SLC8A1: variants seen among roughly 807,000 people sequenced by gnomAD.
SLC8A1 encodes the protein solute carrier family 8 member A1, also known as sodium/calcium exchanger 1.
In SLC8A1, 18 loss-of-function variants were observed where a neutral mutation model predicts 68.3. The ratio of observed to expected loss-of-function variants is 0.26; its 90% CI spans 0.18 to 0.39. The LOEUF (loss-of-function observed/expected upper bound fraction) is 0.39. Among genes scored for constraint, SLC8A1 ranks in the 10% least tolerant of loss-of-function variants. The pLI, the probability that SLC8A1 is intolerant of heterozygous loss-of-function variation, is 1.00. For synonymous variants in SLC8A1, 475 were observed against 415.5 expected (o/e 1.14, Z -1.74); for missense variants, 985 against 1,156.7 (o/e 0.85, Z 2.15).
intron 2 of SLC8A1, among the ~76,000 whole-genome samples, chr2:40,256,717 G>A (rs1212519932): frequency 6.6e-6 from 1 of 152,172 alleles, no homozygotes; most frequent in Non-Finnish European, 1.5e-5. Flanking sequence ...AGAGAAGGCT[G>A]TAGGCCTATC....
chr2:40,318,528 A>T (rs2074775216), intron 2 of SLC8A1, among the ~76,000 whole-genome samples: 1 of 152,044 alleles, frequency 6.6e-6, no homozygotes, highest in African/African-American at 2.4e-5. Context: ...TTCCAAAGCC[A>T]TGTGACCAGT....
chr2:40,480,921 C>T (rs555575485), intron 1 of SLC8A1, among the ~76,000 whole-genome samples: 1 of 152,150 alleles, frequency 6.6e-6, no homozygotes, highest in Non-Finnish European at 1.5e-5. Flanking sequence ...AGCCAAAAAT[C>T]GCACTGCTGT....
At chr2:40,351,226 G>A (rs10168748) in intron 2 of SLC8A1, among the ~76,000 whole-genome samples, 75,442 of 151,846 alleles carry the variant, frequency 0.5, 19,405 homozygotes, top group East Asian at 0.69. Flanking sequence ...TTATTTCTGT[G>A]CAGAGTAGAC....
intron 2 of SLC8A1, among the ~76,000 whole-genome samples, chr2:40,201,356 A>G (rs1257517419): frequency 2.0e-5 from 3 of 151,940 alleles, no homozygotes; most frequent in Non-Finnish European, 2.9e-5. Context: ...AAACCAAAAC[A>G]AAATTCAATT....
intron 1 of SLC8A1, among the ~76,000 whole-genome samples, chr2:40,480,228 G>A (rs189066428): frequency 1.3e-5 from 2 of 152,194 alleles, no homozygotes; most frequent in Admixed American, 1.3e-4. Context: ...ACTACTTATT[G>A]CATCAAAGAT....
At chr2:40,493,078 A>G (rs1029179551) in intron 1 of SLC8A1, among the ~76,000 whole-genome samples, 2 of 152,206 alleles carry the variant, frequency 1.3e-5, no homozygotes, top group African/African-American at 4.8e-5. Context: ...CACAATAGCA[A>G]AGACTTGGAA....
intron 1 of SLC8A1, among the ~76,000 whole-genome samples, chr2:40,461,527 C>A (rs1311910170): frequency 6.6e-6 from 1 of 152,094 alleles, no homozygotes; most frequent in Non-Finnish European, 1.5e-5. Flanking sequence ...AACCCTTGCC[C>A]ACTCCGCGCC....
exon 8 of SLC8A1, chr2:40,112,401 A>T (rs1000244547): frequency 2.6e-5 from 4 of 152,242 alleles, no homozygotes; most frequent in Admixed American, 1.3e-4. Context: ...CTATAATAAT[A>T]ACAATCCTGA....
intron 1 of SLC8A1, among the ~76,000 whole-genome samples, chr2:40,484,317 T>TATCCAATGCCAG (rs1284860028): frequency 2.0e-5 from 3 of 152,176 alleles, no homozygotes; most frequent in African/African-American, 7.2e-5. Flanking sequence ...GGACTGGCAT[T>TATCCAATGCCAG]ATCCAATGCC....
At chr2:40,284,392 T>C (rs1310771921) in intron 2 of SLC8A1, among the ~76,000 whole-genome samples, 1 of 147,258 alleles carries the variant, frequency 6.8e-6, no homozygotes, top group Non-Finnish European at 1.5e-5. Flanking sequence ...ATATGATATA[T>C]ACATACACAT....
chr2:40,160,696 A>G, intron 6 of SLC8A1, 69 bp downstream of exon 9: 1 of 1,363,750 alleles, frequency 7.3e-7, no homozygotes, highest in African/African-American at 1.4e-5. Context: ...TAGACCAAGT[A>G]GCCACAGTAG....
Position 40,224,844 on chromosome 2 carries a change from G to GA in SLC8A1, c.1809-46990dup, listed in dbSNP as rs554842256. ...CAAACAACTTAAACAAATTTACAAG[G>GA]AAAAAACAACCCCATCAAAAAGTGA... is the stretch of plus-strand genomic sequence containing the variant. On this transcript the variant is annotated intron_variant, in intron 2 of 7. Coordinates refer to ENST00000406785, the Ensembl canonical transcript of SLC8A1. 1.6e-3 allele frequency among the ~76,000 whole-genome samples: 247 copies of GA among 151,934 alleles called. 7 individuals carry two copies. The highest frequency in any genetic ancestry group is 0.016 in the Admixed American group (245 of 15,242).
chr2:40,205,486 C>A (rs1029988998), intron 2 of SLC8A1, among the ~76,000 whole-genome samples: 1 of 151,898 alleles, frequency 6.6e-6, no homozygotes, highest in Non-Finnish European at 1.5e-5. Flanking sequence ...CAGTCTATCA[C>A]TGACTTTGCA....
intron 2 of SLC8A1, among the ~76,000 whole-genome samples, chr2:40,365,522 T>C (rs1488114018): frequency 6.6e-6 from 1 of 152,098 alleles, no homozygotes; most frequent in Non-Finnish European, 1.5e-5. Context: ...ACAGCACTGC[T>C]CAAGAATCAC....
intron 2 of SLC8A1, chr2:40,337,345 A>T: frequency 2.8e-6 from 1 of 350,882 alleles, no homozygotes; most frequent in Non-Finnish European, 6.5e-6. Flanking sequence ...TCATACTACT[A>T]CTCAAGACAG....
At chr2:40,410,040 A>G (rs1691614001) in intron 2 of SLC8A1, among the ~76,000 whole-genome samples, 1 of 152,156 alleles carries the variant, frequency 6.6e-6, no homozygotes, top group Non-Finnish European at 1.5e-5. Flanking sequence ...ATACAGGGAA[A>G]AAAGGGGGCA....
At chr2:40,505,286 G>T (rs1706301574) in intron 1 of SLC8A1, among the ~76,000 whole-genome samples, 1 of 151,794 alleles carries the variant, frequency 6.6e-6, no homozygotes, top group African/African-American at 2.4e-5. Context: ...TAGCACATCA[G>T]GGTGACTGTA....
At chr2:40,293,923 T>C (rs548110428) in intron 2 of SLC8A1, among the ~76,000 whole-genome samples, 2 of 152,256 alleles carry the variant, frequency 1.3e-5, no homozygotes, top group South Asian at 2.1e-4. Context: ...ACAGCATTGA[T>C]TGGGCGCAAA....
chr2:40,352,528 T>A (rs1671414715), intron 2 of SLC8A1, among the ~76,000 whole-genome samples: 1 of 152,106 alleles, frequency 6.6e-6, no homozygotes, highest in African/African-American at 2.4e-5. Flanking sequence ...CAAAACTGAG[T>A]GTGAAATTTA....
Sources: allele counts gnomAD v4.1 joint callset (sites outside exome capture counted in the v4.1 genomes callset), GRCh38; gene constraint gnomAD v4.1.1; transcripts MANE v1.5; gene names NCBI Gene and HGNC (gene_info 2026-07-23, HGNC 2026-07-21).